DAB1: variants seen among roughly 807,000 people sequenced by gnomAD.
DAB1 encodes the protein DAB adaptor protein 1, also known as disabled homolog 1.
Under a neutral mutation model 64.6 loss-of-function variants are expected in DAB1, and 15 were observed. The ratio of observed to expected loss-of-function variants is 0.23; its 90% CI spans 0.16 to 0.36. The LOEUF (loss-of-function observed/expected upper bound fraction) is 0.36, where lower values mean the gene tolerates loss of function less well. DAB1 is among the 10% of genes least tolerant of loss of function. The pLI is 1.00. For missense variants in DAB1, 596 were observed against 706.7 expected (o/e 0.84, Z 1.78); for synonymous variants, 235 against 251.9 (o/e 0.93, Z 0.64).
At chr1:58,456,456 G>A (rs71642179) in intron 3 of DAB1, among the ~76,000 whole-genome samples, 2,514 of 152,294 alleles carry the variant, frequency 0.017, 30 homozygotes, top group Non-Finnish European at 0.024. Flanking sequence ...ATTAACTATG[G>A]TCCGAAGCAG....
chr1:57,842,451 C>T (rs114077699), intron 1 of DAB1, among the ~76,000 whole-genome samples: 2,690 of 152,226 alleles, frequency 0.018, 92 homozygotes, highest in African/African-American at 0.063. Flanking sequence ...TGCCCCACTT[C>T]TCTCAGTACC....
intron 1 of DAB1, among the ~76,000 whole-genome samples, chr1:57,358,667 C>T (rs1380772276): frequency 6.6e-6 from 1 of 151,638 alleles, no homozygotes; most frequent in Non-Finnish European, 1.5e-5. Flanking sequence ...CCCAAATAGC[C>T]AAAACAATCT....
At chr1:57,342,648 A>C (rs11207014) in intron 1 of DAB1, among the ~76,000 whole-genome samples, 2 of 151,972 alleles carry the variant, frequency 1.3e-5, no homozygotes, top group Non-Finnish European at 2.9e-5. Flanking sequence ...GGACCCTGGC[A>C]GTGAGTGTTA....
chr1:57,204,271 T>C (rs1347856322), intron 2 of DAB1, among the ~76,000 whole-genome samples: 1 of 152,084 alleles, frequency 6.6e-6, no homozygotes, highest in East Asian at 1.9e-4. Flanking sequence ...TCTTCTGCAA[T>C]TTACGTAACT....
chr1:57,128,373 A>T (rs1161045064), intron 4 of DAB1, among the ~76,000 whole-genome samples: 4 of 152,028 alleles, frequency 2.6e-5, no homozygotes, highest in African/African-American at 7.2e-5. Context: ...TGGGATCACA[A>T]TGAGAAAATT....
In DAB1 at chr1:57,291,073, G is replaced by C; in HGVS notation, c.-43C>G. ...CCACTTCACACAGATCCCGGGCCTC[G>C]GCCAGGCTCATTGAGGACTCTTCTC... On this transcript the variant is annotated 5_prime_UTR_variant, in exon 2 of 15. Coordinates refer to ENST00000371236, the MANE Select transcript of DAB1 (RefSeq NM_001365792.1). 6.9e-7 allele frequency: 1 copy of C among 1,453,418 alleles called. No individual in the cohort carries two copies. The highest frequency in any genetic ancestry group is 9.5e-7 in the Non-Finnish European group (1 of 1,053,464). 90.0% of individuals were successfully genotyped at this position (1,453,418 alleles called of 1,614,324 possible). A position where few individuals can be genotyped will look rare whatever the true frequency, so the allele number is the denominator to read the frequency against.
At chr1:57,868,666 G>A (rs1654406645) in intron 1 of DAB1, among the ~76,000 whole-genome samples, 1 of 152,100 alleles carries the variant, frequency 6.6e-6, no homozygotes, top group Non-Finnish European at 1.5e-5. Flanking sequence ...AGACTATTGA[G>A]TTCCTTGAGG....
intron 7 of DAB1, among the ~76,000 whole-genome samples, chr1:57,586,937 A>T (rs1185777355): frequency 6.6e-6 from 1 of 152,226 alleles, no homozygotes. Flanking sequence ...GGCATGTGGT[A>T]AATTCTGGGG....
intron 5 of DAB1, among the ~76,000 whole-genome samples, chr1:58,037,899 G>C (rs2100496499): frequency 6.6e-6 from 1 of 152,238 alleles, no homozygotes; most frequent in East Asian, 1.9e-4. Context: ...GACTTGGGAT[G>C]GTTTTTAAGC....
At chr1:57,640,909 G>A (rs1646120117) in intron 7 of DAB1, among the ~76,000 whole-genome samples, 1 of 152,138 alleles carries the variant, frequency 6.6e-6, no homozygotes, top group Admixed American at 6.6e-5. Flanking sequence ...ACTTATAGAA[G>A]GAGACATGCT....
intron 2 of DAB1, among the ~76,000 whole-genome samples, chr1:57,288,592 T>C (rs1672522115): frequency 6.6e-6 from 1 of 152,210 alleles, no homozygotes; most frequent in African/African-American, 2.4e-5. Flanking sequence ...CCAAATTGGC[T>C]GGCACTTTGA....
chr1:57,494,684 C>A (rs752165723), intron 7 of DAB1, among the ~76,000 whole-genome samples: 8 of 152,176 alleles, frequency 5.3e-5, no homozygotes, highest in Non-Finnish European at 1.2e-4. Context: ...GTTGGAGACA[C>A]AAGGGAGTTC....
At chr1:57,996,529 A>G (rs951174617) in intron 5 of DAB1, among the ~76,000 whole-genome samples, 6 of 152,144 alleles carry the variant, frequency 3.9e-5, no homozygotes, top group Admixed American at 1.3e-4. Context: ...AATTATGACT[A>G]TCATTCATGA....
intron 4 of DAB1, among the ~76,000 whole-genome samples, chr1:58,325,200 A>G (rs1662793870): frequency 1.3e-5 from 2 of 152,236 alleles, no homozygotes; most frequent in Admixed American, 6.5e-5. Context: ...AGGAGAGAAG[A>G]TTACAGACAC....
chr1:58,094,140 C>T (rs1030016751), intron 5 of DAB1, among the ~76,000 whole-genome samples: 1 of 152,174 alleles, frequency 6.6e-6, no homozygotes, highest in Admixed American at 6.5e-5. Flanking sequence ...CCCAAAGTCA[C>T]TGTGGCTGCT....
In DAB1 at chr1:58,532,734, G is replaced by A. The variant is rs566598637; in HGVS notation, n.33-5399C>T. Among the ~76,000 whole-genome samples the A allele has an allele frequency of 5.9e-5, 9 of 151,938 alleles. No homozygotes were observed. The South Asian group carries it at 1.7e-3, about 28-fold the overall frequency. On this transcript the variant is annotated intron_variant and non_coding_transcript_variant, in intron 1 of 20. Coordinates refer to the DAB1 transcript ENST00000485760. ...CTGTACAGACTGAGTCTATGTTGCC[G>A]AGGCCAGTCTCAAACTCCTGGGCTC... is the stretch of plus-strand genomic sequence containing the variant.
chr1:57,019,910 GA>G (rs904890766), intron 11 of DAB1, among the ~76,000 whole-genome samples: 1 of 151,494 alleles, frequency 6.6e-6, no homozygotes, highest in Admixed American at 6.6e-5. Flanking sequence ...CCCATTATTT[GA>G]AAAAAGAAAA....
chr1:58,472,617 C>G (rs1645372126), intron 3 of DAB1, among the ~76,000 whole-genome samples: 1 of 152,118 alleles, frequency 6.6e-6, no homozygotes, highest in Non-Finnish European at 1.5e-5. Flanking sequence ...CTCCCCAGCT[C>G]TGCTGGGACA....
intron 4 of DAB1, among the ~76,000 whole-genome samples, chr1:57,074,232 C>A (rs1474422760): frequency 6.6e-6 from 1 of 152,152 alleles, no homozygotes; most frequent in African/African-American, 2.4e-5. Context: ...TGAGTATATT[C>A]TCTTACTGGC....
Sources: gnomAD v4.1 joint callset for allele counts (sites outside exome capture counted in the v4.1 genomes callset) on GRCh38, gnomAD v4.1.1 for gene constraint, MANE v1.5 for transcripts, NCBI Gene and HGNC (gene_info 2026-07-23, HGNC 2026-07-21) for gene names.